The following CHCHD6 variants were observed in gnomAD, a reference collection of about 807,000 sequenced individuals.
CHCHD6 encodes the protein MICOS complex subunit MIC25.
CHCHD6 carries 28 observed loss-of-function variants against 32.3 expected under a neutral mutation model. That is an observed-to-expected ratio of 0.87 (90% CI 0.64 to 1.19). The LOEUF is 1.19. Among genes scored for constraint, CHCHD6 ranks in the 50% most tolerant of loss-of-function variants. The pLI is 0.00. For missense variants in CHCHD6, 333 were observed against 307.0 expected (o/e 1.08, Z -0.63); for synonymous variants, 122 against 117.5 (o/e 1.04, Z -0.25).
chr3:126,945,782 CAGGG>C (rs2078628950), intron 6 of CHCHD6, among the ~76,000 whole-genome samples: 1 of 145,620 alleles, frequency 6.9e-6, no homozygotes, highest in Non-Finnish European at 1.5e-5. Flanking sequence ...CGGGGACACT[CAGGG>C]AGACTCAAGG....
At chr3:126,787,326 A>G (rs1209879732) in intron 4 of CHCHD6, among the ~76,000 whole-genome samples, 1 of 152,168 alleles carries the variant, frequency 6.6e-6, no homozygotes, top group Non-Finnish European at 1.5e-5. Context: ...TTGGTTCCAT[A>G]TGAACTTTAA....
At chr3:126,753,776 A>G (rs1396858036) in intron 4 of CHCHD6, among the ~76,000 whole-genome samples, 1 of 152,190 alleles carries the variant, frequency 6.6e-6, no homozygotes, top group Admixed American at 6.5e-5. Flanking sequence ...GCAGTGCTCC[A>G]GCACGAGTCT....
rs148539019 is a variant in CHCHD6, at chr3:126,718,609, C to T, written c.88-8469C>T. 4.9e-4 allele frequency among the ~76,000 whole-genome samples: 74 copies of T among 152,322 alleles called. No individual in the cohort carries two copies. In the East Asian group the frequency reaches 0.011, roughly 23 times the overall value. On this transcript the variant is annotated intron_variant, in intron 1 of 7. Coordinates refer to ENST00000290913, the MANE Select transcript of CHCHD6 (RefSeq NM_032343.3). ...TCCATTTCCTAGGTGAGGACAGTGA[C>T]GCTCAGAGAAGCTAAAGAATTGGGG...
intron 5 of CHCHD6, among the ~76,000 whole-genome samples, chr3:126,862,062 C>A (rs1941916187): frequency 1.5e-5 from 1 of 67,596 alleles, no homozygotes; most frequent in Non-Finnish European, 3.1e-5. Flanking sequence ...CCAACTCCCC[C>A]TCCTCCACCA....
intron 6 of CHCHD6, among the ~76,000 whole-genome samples, chr3:126,926,043 C>T (rs959234986): frequency 6.6e-6 from 1 of 152,208 alleles, no homozygotes; most frequent in Non-Finnish European, 1.5e-5. Flanking sequence ...CCAGCCACCG[C>T]GCTTGCGGTA....
At chr3:126,920,872 C>T (rs1273314410) in intron 6 of CHCHD6, among the ~76,000 whole-genome samples, 3 of 152,204 alleles carry the variant, frequency 2.0e-5, no homozygotes, top group Non-Finnish European at 1.5e-5. Context: ...ACTCACCTCT[C>T]CACGGTTCCC....
rs569801956 is a variant in CHCHD6, at chr3:126,901,842, C to T, written c.496-12838C>T. On this transcript the variant is annotated intron_variant, in intron 5 of 7. Coordinates refer to ENST00000290913, the MANE Select transcript of CHCHD6 (RefSeq NM_032343.3). Reference sequence around the variant, plus strand: ...GTGACCACACGAGTGAAAGTGGTACCAGTAGCCACTGTCACTCATTGAGTG... The same window carrying T: ...GTGACCACACGAGTGAAAGTGGTACTAGTAGCCACTGTCACTCATTGAGTG... 3.3e-5 allele frequency among the ~76,000 whole-genome samples: 5 copies of T among 152,294 alleles called. No homozygotes were observed. The East Asian group carries it at 9.6e-4, about 29-fold the overall frequency.
chr3:126,944,732 G>T (rs528477817), intron 6 of CHCHD6, among the ~76,000 whole-genome samples: 2 of 152,380 alleles, frequency 1.3e-5, no homozygotes, highest in Non-Finnish European at 2.9e-5. Context: ...ACCTTCAGGG[G>T]AAGTTGTGGT....
Position 126,945,784 on chromosome 3 carries a change from G to A in CHCHD6, c.567-11632G>A, listed in dbSNP as rs73209649. Among the ~76,000 whole-genome samples, 1,045 of 151,240 alleles carry A rather than the reference G, an allele frequency of 6.9e-3. 6 individuals carry two copies. Among genetic ancestry groups the A allele is most frequent in the Non-Finnish European group, 0.012 (786 of 67,714 alleles). On this transcript the variant is annotated intron_variant, in intron 6 of 7. Coordinates refer to ENST00000290913, the MANE Select transcript of CHCHD6 (RefSeq NM_032343.3). ...GGGGAGACTCGAGCGGGGACACTCAGGGAGACTCAAGGCAGGAGACATGGG... is the reference window on the plus strand; with the variant it reads ...GGGGAGACTCGAGCGGGGACACTCAAGGAGACTCAAGGCAGGAGACATGGG...
At chr3:126,845,530 T>C (rs116402787) in intron 4 of CHCHD6, among the ~76,000 whole-genome samples, 2,748 of 152,312 alleles carry the variant, frequency 0.018, 31 homozygotes, top group Middle Eastern at 0.051. Context: ...CTTGGCCATA[T>C]ATTTTATTTC....
At chr3:126,903,264 A>C (rs568585835) in intron 5 of CHCHD6, among the ~76,000 whole-genome samples, 3 of 152,296 alleles carry the variant, frequency 2.0e-5, no homozygotes, top group East Asian at 3.9e-4. Context: ...CCAAATGCAC[A>C]ATGTCTGTAG....
At chr3:126,730,530 T>G in intron 2 of CHCHD6, 31 bp from the exon 3 acceptor site, 1 of 1,603,982 alleles carries the variant, frequency 6.2e-7, no homozygotes, top group Non-Finnish European at 8.5e-7. Flanking sequence ...GGGGTGCCAC[T>G]GACAGGCCCT....
At chr3:126,708,298 T>G (rs1470833878) in intron 1 of CHCHD6, among the ~76,000 whole-genome samples, 1 of 152,150 alleles carries the variant, frequency 6.6e-6, no homozygotes, top group Non-Finnish European at 1.5e-5. Flanking sequence ...TAACCCAAGG[T>G]CACAGTGCTG....
intron 6 of CHCHD6, among the ~76,000 whole-genome samples, chr3:126,944,114 A>G (rs1328297254): frequency 6.6e-6 from 1 of 152,264 alleles, no homozygotes; most frequent in African/African-American, 2.4e-5. Flanking sequence ...AGAAGGAGGT[A>G]GGTTACAGAA....
At chr3:126,705,948 G>GA (rs1308948065) in intron 1 of CHCHD6, among the ~76,000 whole-genome samples, 5 of 152,226 alleles carry the variant, frequency 3.3e-5, no homozygotes, top group African/African-American at 1.2e-4. Context: ...GCCTAGCAGA[G>GA]TACTTGGCAC....
At chr3:126,792,502 AC>A (rs1308473532) in intron 4 of CHCHD6, among the ~76,000 whole-genome samples, 1 of 151,028 alleles carries the variant, frequency 6.6e-6, no homozygotes, top group African/African-American at 2.4e-5. Flanking sequence ...TTTCTTTGAG[AC>A]CTCCTCTTTG....
intron 6 of CHCHD6, chr3:126,949,152 C>G (rs1474585883): frequency 6.5e-6 from 1 of 152,686 alleles, no homozygotes; most frequent in Non-Finnish European, 1.5e-5. Flanking sequence ...GTCTCAGATA[C>G]AGCCAGTTGT....
At chr3:126,769,569 T>A (rs2107676215) in intron 4 of CHCHD6, among the ~76,000 whole-genome samples, 1 of 152,338 alleles carries the variant, frequency 6.6e-6, no homozygotes, top group East Asian at 1.9e-4. Context: ...AGTGTTGCGA[T>A]CTTGGCTCAC....
At chr3:126,872,095 G>A (rs566612403) in intron 5 of CHCHD6, among the ~76,000 whole-genome samples, 13 of 152,210 alleles carry the variant, frequency 8.5e-5, no homozygotes, top group African/African-American at 2.9e-4. Context: ...GCCCTTCAAG[G>A]GCCATTTGGC....
Sources: allele counts gnomAD v4.1 joint callset (sites outside exome capture counted in the v4.1 genomes callset), GRCh38; gene constraint gnomAD v4.1.1; transcripts MANE v1.5; gene names NCBI Gene and HGNC (gene_info 2026-07-23, HGNC 2026-07-21).